Variants in SSH2 observed in about 807,000 individuals in gnomAD.
SSH2 encodes the protein slingshot protein phosphatase 2.
SSH2 carries 37 observed loss-of-function variants against 135.2 expected under a neutral mutation model. That is an observed-to-expected ratio of 0.27 (90% CI 0.21 to 0.36). The LOEUF is 0.36. Ranked by LOEUF, SSH2 falls within the 10% of genes least tolerant of loss-of-function variation. The pLI is 1.00. For missense variants in SSH2, 1,408 were observed against 1,765.3 expected, an observed-to-expected ratio of 0.80 and a Z score of 3.63; for synonymous variants, 628 against 646.2, an observed-to-expected ratio of 0.97 and a Z score of 0.43.
rs117993401 is a variant in SSH2, at chr17:29,658,283, G to A, written c.1033-2676C>T. On this transcript the variant is annotated intron_variant, in intron 11 of 15. Transcript: ENST00000540801. ...TCCCAAAGTGCTGGGATTACAGACAGGCATGAGCCATTGTGCCCAGCTGTA... is the reference window on the plus strand; with the variant it reads ...TCCCAAAGTGCTGGGATTACAGACAAGCATGAGCCATTGTGCCCAGCTGTA... Among the ~76,000 whole-genome samples the A allele has an allele frequency of 2.4e-3, 371 of 152,102 alleles. 2 individuals carry two copies. Among genetic ancestry groups the A allele is most frequent in the Middle Eastern group, 6.8e-3 (2 of 294 alleles).
intron 2 of SSH2, among the ~76,000 whole-genome samples, chr17:29,802,633 A>G (rs1361045484): frequency 2.0e-5 from 3 of 151,568 alleles, no homozygotes; most frequent in African/African-American, 7.3e-5. Context: ...AAAAAAAAAA[A>G]AAAAAGAAAA....
chr17:29,651,275 A>G (rs2151001602), intron 12 of SSH2, among the ~76,000 whole-genome samples: 1 of 152,284 alleles, frequency 6.6e-6, no homozygotes, highest in East Asian at 1.9e-4. Context: ...ATTTCTTCCT[A>G]TTTTTCTAAA....
chr17:29,882,657 C>T (rs972282107), intron 1 of SSH2, among the ~76,000 whole-genome samples: 2 of 152,112 alleles, frequency 1.3e-5, no homozygotes, highest in African/African-American at 2.4e-5. Flanking sequence ...GAGACTGAGG[C>T]AGGAGAATCG....
In SSH2 at chr17:29,628,305, T is replaced by C. The variant is rs2035556532; in HGVS notation, c.*2536A>G. 1 of 152,202 alleles carries C rather than the reference T, an allele frequency of 6.6e-6. No homozygotes were observed. The highest frequency in any genetic ancestry group is 2.4e-5 in the African/African-American group (1 of 41,440). The allele number at this position is 152,202 out of a possible 1,614,324, so 9.4% of individuals were successfully genotyped here. ...GTAATTATAAAAAGGCAGAAAGACTTTCCTCTGCTCTTGAAAATTTTTTTT... is the reference window on the plus strand; with the variant it reads ...GTAATTATAAAAAGGCAGAAAGACTCTCCTCTGCTCTTGAAAATTTTTTTT... On this transcript the variant is annotated 3_prime_UTR_variant, in exon 16 of 16. Transcript: ENST00000540801.
Position 29,913,317 on chromosome 17 carries a change from C to CAA in SSH2, c.63+16619_63+16620dup, listed in dbSNP as rs1207663146. On this transcript the variant is annotated intron_variant, in intron 1 of 15. Coordinates refer to ENST00000540801, the MANE Select transcript of SSH2 (RefSeq NM_001282129.2). ...TGGGCGACAGAGCGAGACGCCATCT[C>CAA]AAAAAAAAAAAAAAAAAAAAAAAAA... Among the ~76,000 whole-genome samples, 32 of 3,428 alleles carry CAA rather than the reference C, an allele frequency of 9.3e-3. 12 individuals are homozygous for CAA. The highest frequency in any genetic ancestry group is 0.014 in the Non-Finnish European group (25 of 1,772). 2.2% of individuals were successfully genotyped at this position (3,428 alleles called of 152,430 possible). A position where few individuals can be genotyped will look rare whatever the true frequency, so the allele number is the denominator to read the frequency against.
At chr17:29,709,728 G>C (rs577286690) in intron 3 of SSH2, among the ~76,000 whole-genome samples, 13 of 152,142 alleles carry the variant, frequency 8.5e-5, no homozygotes, top group African/African-American at 3.1e-4. Context: ...AAATCCATTC[G>C]GATTCCAACT....
chr17:29,754,799 TGGCACTACA>T (rs2041061983), intron 3 of SSH2, among the ~76,000 whole-genome samples: 1 of 152,148 alleles, frequency 6.6e-6, no homozygotes, highest in African/African-American at 2.4e-5. Context: ...CCCAAGTAGC[TGGCACTACA>T]GGCACGCACC....
rs1215124883 is a variant in SSH2, at chr17:29,630,691, A to T, written c.*150T>A. 1.4e-6 allele frequency: 1 copy of T among 716,196 alleles called. No homozygotes were observed. The highest frequency in any genetic ancestry group is 1.8e-5 in the African/African-American group (1 of 56,078). 44.4% of individuals were successfully genotyped at this position (716,196 alleles called of 1,614,324 possible). A position where few individuals can be genotyped will look rare whatever the true frequency, so the allele number is the denominator to read the frequency against. ...CCCTTACATATACACACACATACAC[A>T]CTGAAAAACACCCAAACCCTGCATG... is the stretch of plus-strand genomic sequence containing the variant. On this transcript the variant is annotated 3_prime_UTR_variant, in exon 16 of 16. Transcript: ENST00000540801.
At chr17:29,668,603 C>T (rs2037366680) in intron 9 of SSH2, among the ~76,000 whole-genome samples, 1 of 151,966 alleles carries the variant, frequency 6.6e-6, no homozygotes, top group Admixed American at 6.6e-5. Flanking sequence ...GGCATAGTGA[C>T]ACACAGCTGT....
intron 2 of SSH2, among the ~76,000 whole-genome samples, chr17:29,810,261 A>G (rs1332175959): frequency 6.6e-6 from 1 of 152,200 alleles, no homozygotes; most frequent in Non-Finnish European, 1.5e-5. Flanking sequence ...TAGCCATCCC[A>G]CATTTTCACA....
At position 29,829,878 on chromosome 17, in the gene SSH2, C is replaced by T. The variant is rs371278716; in HGVS notation, c.144+18971G>A. Among the ~76,000 whole-genome samples, 57 of 144,478 alleles carry T rather than the reference C, an allele frequency of 3.9e-4. No individual in the cohort carries two copies. The East Asian group carries it at 7.7e-3, about 19-fold the overall frequency. 94.8% of individuals were successfully genotyped at this position (144,478 alleles called of 152,430 possible). A position where few individuals can be genotyped will look rare whatever the true frequency, so the allele number is the denominator to read the frequency against. ...TTTTTGAGACAGAGTCTCGCTCTAT[C>T]GCCCAGGCTGGAGTGCAGTGGTGCA... On this transcript the variant is annotated intron_variant, in intron 2 of 15. Transcript: ENST00000540801.
intron 1 of SSH2, among the ~76,000 whole-genome samples, chr17:29,850,029 C>CAAAAA (rs970117948): frequency 5.3e-5 from 2 of 37,660 alleles, no homozygotes; most frequent in Non-Finnish European, 1.1e-4. Flanking sequence ...GACTCCATCT[C>CAAAAA]AAAAAAAAAA....
At position 29,632,877 on chromosome 17, in the gene SSH2, C is replaced by T. The variant is rs759425630; in HGVS notation, c.2317G>A (p.Ala773Thr). ...GTGACAATTTCTTTGACTGAAATTG[C>T]ATTTTCCGAGTGAGACTGCATGAAG... Reference protein sequence around the residue: ...DIFMQSHSENAISVKEIVTEI... With the variant: ...DIFMQSHSENTISVKEIVTEI... Residue 773 changes from alanine to threonine, a missense_variant, in exon 16 of 16, where the codon GCA (alanine) becomes ACA (threonine). Coordinates refer to ENST00000540801, the MANE Select transcript of SSH2 (RefSeq NM_001282129.2). The T allele has an allele frequency of 3.1e-6, 5 of 1,614,022 alleles. No homozygotes were observed. In the South Asian group the frequency reaches 4.4e-5, roughly 14 times the overall value.
intron 2 of SSH2, among the ~76,000 whole-genome samples, chr17:29,800,227 A>C (rs1241422863): frequency 1.3e-5 from 2 of 152,240 alleles, no homozygotes; most frequent in African/African-American, 2.4e-5. Flanking sequence ...GGAAAAAAAA[A>C]CTAAGCATAT....
intron 3 of SSH2, among the ~76,000 whole-genome samples, chr17:29,703,540 C>T (rs12937315): frequency 0.013 from 1,918 of 151,856 alleles, 21 homozygotes; most frequent in Non-Finnish European, 0.02. Flanking sequence ...AGCCACTGTG[C>T]GTGGCCTCTA....
chr17:29,763,210 T>C (rs995625990), intron 3 of SSH2, among the ~76,000 whole-genome samples: 5 of 152,200 alleles, frequency 3.3e-5, no homozygotes, highest in African/African-American at 1.2e-4. Context: ...AAACTCATGC[T>C]GTAAAGAGTT....
At chr17:29,831,467 C>T (rs988575370) in intron 2 of SSH2, among the ~76,000 whole-genome samples, 1 of 152,110 alleles carries the variant, frequency 6.6e-6, no homozygotes, top group Non-Finnish European at 1.5e-5. Context: ...CAAAGAATCC[C>T]AGCTTATTTT....
At chr17:29,711,821 G>A (rs936195990) in intron 3 of SSH2, among the ~76,000 whole-genome samples, 5 of 152,132 alleles carry the variant, frequency 3.3e-5, no homozygotes, top group African/African-American at 9.7e-5. Context: ...GGGGAGTGTC[G>A]AGGTATGGGA....
At chr17:29,853,192 T>G (rs1567610156) in intron 1 of SSH2, among the ~76,000 whole-genome samples, 1 of 150,868 alleles carries the variant, frequency 6.6e-6, no homozygotes, top group African/African-American at 2.4e-5. Context: ...GTTCAAGTGA[T>G]TCTCCTGCCT....
Sources: gnomAD v4.1 joint callset for allele counts (sites outside exome capture counted in the v4.1 genomes callset) on GRCh38, gnomAD v4.1.1 for gene constraint, MANE v1.5 for transcripts, NCBI Gene and HGNC (gene_info 2026-07-23, HGNC 2026-07-21) for gene names.